Variants in TMEM71 observed in about 807,000 individuals in gnomAD.
TMEM71 encodes transmembrane protein 71.
In TMEM71, 44 loss-of-function variants were observed where a neutral mutation model predicts 38.0. That is an observed-to-expected ratio of 1.16 (90% CI 0.91 to 1.49). The LOEUF (loss-of-function observed/expected upper bound fraction) is 1.49, where lower values mean the gene tolerates loss of function less well. TMEM71 is among the 40% of genes most tolerant of loss of function. The pLI is 0.00. For synonymous variants in TMEM71, 133 were observed against 122.5 expected (o/e 1.09, Z -0.56); for missense variants, 367 against 348.6 (o/e 1.05, Z -0.42).
At chr8:132,718,398 C>CTTTTTTTTTT (rs36014367) in intron 7 of TMEM71, among the ~76,000 whole-genome samples, 1 of 128,494 alleles carries the variant, frequency 7.8e-6, no homozygotes, top group African/African-American at 3.0e-5. Context: ...GGGATTTTCT[C>CTTTTTTTTTT]TTTTTTTTTT....
At chr8:132,712,199 A>G (rs1282104716) in intron 9 of TMEM71, among the ~76,000 whole-genome samples, 1 of 152,166 alleles carries the variant, frequency 6.6e-6, no homozygotes, top group African/African-American at 2.4e-5. Context: ...TGTGTATATG[A>G]GGCTGGTGGG....
intron 5 of TMEM71, among the ~76,000 whole-genome samples, chr8:132,738,974 T>C (rs1441756523): frequency 6.6e-6 from 1 of 152,164 alleles, no homozygotes; most frequent in African/African-American, 2.4e-5. Context: ...TAAGTAGTTA[T>C]CAGTGGGCAA....
rs151149325 is a variant in TMEM71 at position 132,713,515 on chromosome 8, C to T, written c.872+480G>A. 2.6e-5 allele frequency among the ~76,000 whole-genome samples: 4 copies of T among 152,266 alleles called. No individual in the cohort carries two copies. The East Asian group carries it at 7.7e-4, about 29-fold the overall frequency. ...GGTGCTATCCAGACTGTTTGAAATTCTATGGGCATCCCAACCAGACCCCAG... is the reference window on the plus strand; with the variant it reads ...GGTGCTATCCAGACTGTTTGAAATTTTATGGGCATCCCAACCAGACCCCAG... On this transcript the variant is annotated intron_variant, in intron 9 of 9. Transcript: ENST00000677595.
upstream of TMEM71, among the ~76,000 whole-genome samples, chr8:132,764,517 G>A (rs1190623195): frequency 6.6e-6 from 1 of 152,170 alleles, no homozygotes; most frequent in African/African-American, 2.4e-5. Flanking sequence ...GCCAGGCCTG[G>A]TAGGGTCTGG....
intron 5 of TMEM71, among the ~76,000 whole-genome samples, chr8:132,729,323 C>T (rs986161145): frequency 6.6e-6 from 1 of 152,194 alleles, no homozygotes; most frequent in African/African-American, 2.4e-5. Context: ...TCTGACTCAA[C>T]CACTGGAAGT....
In TMEM71 at chr8:132,722,020, G is replaced by A. The variant is rs375426444; in HGVS notation, c.752+20C>T. ...CACTAATTATGAAATACCGCTGCAT[G>A]AAAATAAAACGTGAATTACCTTGCA... On this transcript the variant is annotated intron_variant, in intron 7 of 9. Transcript: ENST00000677595. The A allele has an allele frequency of 2.5e-6, 4 of 1,604,682 alleles. No homozygotes were observed. In the African/African-American group the frequency reaches 4.0e-5, roughly 16 times the overall value.
chr8:132,754,890 C>T (rs1030619611), intron 3 of TMEM71, among the ~76,000 whole-genome samples: 9 of 152,154 alleles, frequency 5.9e-5, no homozygotes, highest in African/African-American at 1.9e-4. Context: ...ATGCACTGAC[C>T]CACTTTAACA....
chr8:132,711,131 A>G (rs902036264), intron 9 of TMEM71, 149 bp from the exon 10 acceptor site: 6 of 705,868 alleles, frequency 8.5e-6, no homozygotes, highest in Non-Finnish European at 1.4e-5. Context: ...AACTAGGAAG[A>G]GTGCAGCCTC....
At chr8:132,712,505 CT>C (rs1365411252) in intron 9 of TMEM71, among the ~76,000 whole-genome samples, 1 of 152,076 alleles carries the variant, frequency 6.6e-6, no homozygotes, top group Admixed American at 6.5e-5. Flanking sequence ...GGAAACTGAC[CT>C]CCTTGTGCTC....
chr8:132,719,162 G>T (rs967964863), intron 7 of TMEM71, among the ~76,000 whole-genome samples: 28 of 152,286 alleles, frequency 1.8e-4, no homozygotes, highest in Non-Finnish European at 2.9e-4. Context: ...GCCCTTTAAG[G>T]TTCCTTGGTT....
intron 2 of TMEM71, among the ~76,000 whole-genome samples, chr8:132,757,519 C>T (rs1829090946): frequency 6.6e-6 from 1 of 152,014 alleles, no homozygotes; most frequent in Non-Finnish European, 1.5e-5. Context: ...ATCTTCTGTT[C>T]CTTCATCCAC....
chr8:132,752,429 T>A (rs563860824), intron 3 of TMEM71, among the ~76,000 whole-genome samples: 8 of 152,306 alleles, frequency 5.3e-5, no homozygotes, highest in African/African-American at 1.9e-4. Flanking sequence ...ACGGTGAACA[T>A]GCAGTCAAAA....
chr8:132,715,726 A>G (rs1053788733), intron 7 of TMEM71, among the ~76,000 whole-genome samples: 6 of 152,236 alleles, frequency 3.9e-5, no homozygotes, highest in Admixed American at 2.0e-4. Context: ...TGGTACATCC[A>G]TACAATGGAA....
In TMEM71 at chr8:132,746,366, CATATATAT is replaced by C. The variant is rs1491421591; in HGVS notation, c.487+568_487+575del. On this transcript the variant is annotated intron_variant, in intron 5 of 9. Coordinates refer to ENST00000677595, the MANE Select transcript of TMEM71 (RefSeq NM_001382403.1). ...ATACATACACACAAATATACACACA[CATATATAT>C]ACATATATATATACATATATATATA... Among the ~76,000 whole-genome samples the C allele has an allele frequency of 8.3e-4, 17 of 20,604 alleles. No individual in the cohort carries two copies. In the South Asian group the frequency reaches 0.011, roughly 14 times the overall value. 13.5% of individuals were successfully genotyped at this position (20,604 alleles called of 152,430 possible). A position where few individuals can be genotyped will look rare whatever the true frequency, so the allele number is the denominator to read the frequency against.
At chr8:132,757,448 T>A (rs188804494) in intron 2 of TMEM71, among the ~76,000 whole-genome samples, 154 bp from the exon 3 acceptor site, 2 of 152,110 alleles carry the variant, frequency 1.3e-5, no homozygotes, top group Non-Finnish European at 2.9e-5. Context: ...AAGACTCCAG[T>A]AGTGCAGGTA....
At chr8:132,718,123 G>T (rs555248414) in intron 7 of TMEM71, among the ~76,000 whole-genome samples, 6 of 152,236 alleles carry the variant, frequency 3.9e-5, no homozygotes, top group Admixed American at 2.6e-4. Context: ...TGGGTAGAGG[G>T]TTTCTTTTTT....
intron 5 of TMEM71, among the ~76,000 whole-genome samples, chr8:132,742,768 T>C (rs1828115647): frequency 6.6e-6 from 1 of 152,174 alleles, no homozygotes; most frequent in Admixed American, 6.5e-5. Flanking sequence ...TCAGGCCCAT[T>C]TGTTGATGAG....
At chr8:132,755,631 G>A (rs1326855827) in intron 3 of TMEM71, among the ~76,000 whole-genome samples, 1 of 152,176 alleles carries the variant, frequency 6.6e-6, no homozygotes, top group East Asian at 1.9e-4. Context: ...ATTACACACT[G>A]ATAGATTACA....
At chr8:132,764,986 T>A (rs937418624), upstream of TMEM71, among the ~76,000 whole-genome samples, 1 of 152,194 alleles carries the variant, frequency 6.6e-6, no homozygotes, top group African/African-American at 2.4e-5. Flanking sequence ...GAAGGAGATA[T>A]ATGGGCCAAA....
Sources: allele counts gnomAD v4.1 joint callset (sites outside exome capture counted in the v4.1 genomes callset), GRCh38; gene constraint gnomAD v4.1.1; transcripts MANE v1.5; gene names NCBI Gene and HGNC (gene_info 2026-07-23, HGNC 2026-07-21).